Variants in SLC2A13 observed in about 807,000 individuals in gnomAD.
SLC2A13 encodes the protein proton myo-inositol cotransporter.
Under a neutral mutation model 64.4 loss-of-function variants are expected in SLC2A13, and 32 were observed. The ratio of observed to expected loss-of-function variants is 0.50; its 90% confidence interval spans 0.37 to 0.67. The LOEUF (loss-of-function observed/expected upper bound fraction) is 0.67, where lower values mean the gene tolerates loss of function less well. Ranked by LOEUF, SLC2A13 falls within the 30% of genes least tolerant of loss-of-function variation. SLC2A13 has a pLI of 0.00. For missense variants in SLC2A13, 743 were observed against 829.2 expected, an observed-to-expected ratio of 0.90 and a Z score of 1.28; for synonymous variants, 338 against 327.1, an observed-to-expected ratio of 1.03 and a Z score of -0.36.
chr12:39,895,354 G>T (rs1944718536), intron 4 of SLC2A13, among the ~76,000 whole-genome samples: 2 of 151,148 alleles, frequency 1.3e-5, no homozygotes, highest in Admixed American at 1.3e-4. Flanking sequence ...GCCGGGCTTG[G>T]TGGCAGGCAC....
At chr12:39,930,571 T>C (rs187684634) in intron 4 of SLC2A13, among the ~76,000 whole-genome samples, 17 of 152,260 alleles carry the variant, frequency 1.1e-4, no homozygotes, top group Non-Finnish European at 2.1e-4. Context: ...AATACAGTTG[T>C]TAATACTGAA....
At chr12:39,799,227 C>T (rs958171219) in intron 7 of SLC2A13, among the ~76,000 whole-genome samples, 22 of 149,068 alleles carry the variant, frequency 1.5e-4, no homozygotes, top group Non-Finnish European at 1.8e-4. Flanking sequence ...GTAGCTGGGA[C>T]TACAGGCATG....
intron 4 of SLC2A13, among the ~76,000 whole-genome samples, chr12:39,876,049 T>C (rs1383267364): frequency 6.6e-6 from 1 of 152,236 alleles, no homozygotes; most frequent in African/African-American, 2.4e-5. Context: ...CAAAGTCATT[T>C]TATAATATCT....
intron 6 of SLC2A13, among the ~76,000 whole-genome samples, chr12:39,858,458 T>A (rs1943666859): frequency 1.3e-5 from 2 of 152,114 alleles, no homozygotes; most frequent in South Asian, 4.1e-4. Flanking sequence ...GAAAAAAAAA[T>A]GTTTAACACA....
intron 6 of SLC2A13, among the ~76,000 whole-genome samples, chr12:39,858,753 C>A (rs1330796193): frequency 6.6e-6 from 1 of 152,042 alleles, no homozygotes; most frequent in African/African-American, 2.4e-5. Flanking sequence ...ATTATAGGAG[C>A]CTGCCACCAC....
At chr12:39,806,237 T>G (rs1941976263) in intron 7 of SLC2A13, among the ~76,000 whole-genome samples, 1 of 152,202 alleles carries the variant, frequency 6.6e-6, no homozygotes, top group Non-Finnish European at 1.5e-5. Context: ...CCTCTAATGC[T>G]GAAAGATCAG....
intron 7 of SLC2A13, among the ~76,000 whole-genome samples, chr12:39,811,710 A>G (rs950846056): frequency 2.0e-5 from 3 of 152,188 alleles, no homozygotes; most frequent in African/African-American, 4.8e-5. Context: ...CCACTTTATT[A>G]TAAGCCATCC....
intron 7 of SLC2A13, among the ~76,000 whole-genome samples, chr12:39,807,535 A>C (rs910227192): frequency 6.6e-6 from 1 of 152,228 alleles, no homozygotes; most frequent in East Asian, 1.9e-4. Context: ...TTGAAAAACA[A>C]GTAAAGGGTG....
intron 6 of SLC2A13, among the ~76,000 whole-genome samples, chr12:39,861,796 TC>T (rs1943766069): frequency 6.6e-6 from 1 of 152,220 alleles, no homozygotes; most frequent in South Asian, 2.1e-4. Flanking sequence ...CCAAACATTT[TC>T]TATAGCAACT....
intron 9 of SLC2A13, among the ~76,000 whole-genome samples, chr12:39,760,490 T>A (rs557037698): frequency 6.6e-6 from 1 of 152,142 alleles, no homozygotes; most frequent in East Asian, 1.9e-4. Context: ...CAGGCTCAGA[T>A]GTAAGTTTGG....
At chr12:40,004,735 A>G (rs2136187328) in intron 3 of SLC2A13, among the ~76,000 whole-genome samples, 1 of 152,154 alleles carries the variant, frequency 6.6e-6, no homozygotes, top group Admixed American at 6.5e-5. Flanking sequence ...CGAATAGCCC[A>G]CTGTTAACTG....
chr12:39,788,287 A>G (rs796332198), intron 7 of SLC2A13, among the ~76,000 whole-genome samples: 3 of 152,282 alleles, frequency 2.0e-5, no homozygotes, highest in Non-Finnish European at 2.9e-5. Flanking sequence ...AAAAACAATT[A>G]TAACAGTATG....
intron 4 of SLC2A13, among the ~76,000 whole-genome samples, chr12:39,909,332 T>C (rs923445132): frequency 1.3e-5 from 2 of 152,026 alleles, no homozygotes; most frequent in Non-Finnish European, 2.9e-5. Context: ...GAGGATGACA[T>C]TTACAATGGG....
intron 1 of SLC2A13, among the ~76,000 whole-genome samples, chr12:40,076,262 G>T (rs1342715267): frequency 6.6e-6 from 1 of 152,162 alleles, no homozygotes; most frequent in African/African-American, 2.4e-5. Flanking sequence ...CTCCCAGGTA[G>T]AGAGCATAGT....
At chr12:40,080,233 GT>G (rs1336762271) in intron 1 of SLC2A13, among the ~76,000 whole-genome samples, 1 of 152,230 alleles carries the variant, frequency 6.6e-6, no homozygotes, top group East Asian at 1.9e-4. Flanking sequence ...CTCTTGCTCT[GT>G]TTGCTTGATA....
At chr12:39,902,109 G>A (rs1258796347) in intron 4 of SLC2A13, among the ~76,000 whole-genome samples, 2 of 148,582 alleles carry the variant, frequency 1.3e-5, no homozygotes, top group South Asian at 2.2e-4. Flanking sequence ...ACCAAACACC[G>A]CATGTTCTCA....
At chr12:39,780,209 C>T (rs546753663) in intron 7 of SLC2A13, among the ~76,000 whole-genome samples, 6 of 151,798 alleles carry the variant, frequency 4.0e-5, no homozygotes, top group Non-Finnish European at 8.8e-5. Flanking sequence ...GCATATAAGT[C>T]TTTTTTAAAT....
At chr12:39,810,034 GC>G (rs1179127448) in intron 7 of SLC2A13, among the ~76,000 whole-genome samples, 2 of 152,150 alleles carry the variant, frequency 1.3e-5, no homozygotes, top group Non-Finnish European at 2.9e-5. Flanking sequence ...TAATGGGATG[GC>G]TGGGGCAAAT....
chr12:39,881,087 A>C (rs1944326791), intron 4 of SLC2A13, among the ~76,000 whole-genome samples: 1 of 152,248 alleles, frequency 6.6e-6, no homozygotes, highest in Admixed American at 6.5e-5. Context: ...AAAGCAACAA[A>C]ACATAAAATA....
Sources: allele counts gnomAD v4.1 joint callset (sites outside exome capture counted in the v4.1 genomes callset), GRCh38; gene constraint gnomAD v4.1.1; transcripts MANE v1.5; gene names NCBI Gene and HGNC (gene_info 2026-07-23, HGNC 2026-07-21).